The following SIN3A variants were observed in gnomAD, a reference collection of about 807,000 sequenced individuals.
SIN3A encodes SIN3 transcription regulator family member A, also known as paired amphipathic helix protein Sin3a.
A neutral mutation model predicts 146.1 loss-of-function variants in SIN3A; 14 were observed. That is an observed-to-expected ratio of 0.10 (90% CI 0.06 to 0.15). SIN3A has a LOEUF of 0.15. Ranked by LOEUF, SIN3A falls within the 10% of genes least tolerant of loss-of-function variation. SIN3A has a pLI of 1.00. For synonymous variants in SIN3A, 572 were observed against 572.0 expected (o/e 1.00, Z 0.00); for missense variants, 1,028 against 1,576.0 (o/e 0.65, Z 5.89).
intron 18 of SIN3A, 30 bp downstream of exon 18, chr15:75,381,583 A>T: frequency 6.4e-7 from 1 of 1,552,104 alleles, no homozygotes; most frequent in South Asian, 1.1e-5. Flanking sequence ...TCTGCTTGGC[A>T]CCTGGGGTCT....
chr15:75,377,593 C>A (rs1456574164), intron 19 of SIN3A, among the ~76,000 whole-genome samples: 1 of 151,332 alleles, frequency 6.6e-6, no homozygotes, highest in African/African-American at 2.4e-5. Context: ...CCACTGCACT[C>A]CAGCTTGGGC....
chr15:75,387,030 C>T (rs1382065820), intron 16 of SIN3A, among the ~76,000 whole-genome samples: 1 of 152,104 alleles, frequency 6.6e-6, no homozygotes, highest in Non-Finnish European at 1.5e-5. Flanking sequence ...TGGTCTCCAA[C>T]TCCTGGACTC....
At chr15:75,402,058 G>T in intron 9 of SIN3A, 88 bp from the exon 10 acceptor site, 2 of 803,760 alleles carry the variant, frequency 2.5e-6, no homozygotes, top group Non-Finnish European at 2.1e-6. Context: ...CCAGGAGGAG[G>T]CGCAGTTGTG....
intron 9 of SIN3A, among the ~76,000 whole-genome samples, chr15:75,402,263 G>A (rs558592817): frequency 1.7e-4 from 26 of 152,194 alleles, no homozygotes; most frequent in Non-Finnish European, 1.8e-4. Flanking sequence ...TATAATCCCA[G>A]CACTTTGGGA....
At chr15:75,453,279 C>T (rs1303149884), upstream of SIN3A, 6 of 152,350 alleles carry the variant, frequency 3.9e-5, no homozygotes, top group Non-Finnish European at 5.9e-5. Flanking sequence ...TTGTGAACTC[C>T]AAGGGTAGCC....
intron 12 of SIN3A, among the ~76,000 whole-genome samples, chr15:75,396,927 T>G (rs2073315919): frequency 6.6e-6 from 1 of 152,176 alleles, no homozygotes; most frequent in Non-Finnish European, 1.5e-5. Context: ...GAACAAACAA[T>G]AACAATCAAA....
chr15:75,439,843 A>T (rs1462045694), intron 1 of SIN3A, among the ~76,000 whole-genome samples: 3 of 151,994 alleles, frequency 2.0e-5, no homozygotes, highest in Non-Finnish European at 4.4e-5. Flanking sequence ...CATAATGCTC[A>T]TTAAATCTGT....
chr15:75,425,271 A>T (rs1374434928), intron 2 of SIN3A, among the ~76,000 whole-genome samples: 1 of 152,230 alleles, frequency 6.6e-6, no homozygotes, highest in Non-Finnish European at 1.5e-5. Context: ...CCCAGGTTCA[A>T]GCGATTCTCC....
intron 1 of SIN3A, among the ~76,000 whole-genome samples, chr15:75,448,423 G>A (rs2074346087): frequency 6.6e-6 from 1 of 151,792 alleles, no homozygotes; most frequent in African/African-American, 2.4e-5. Context: ...GAACCCGGGA[G>A]GCGGAAGTTG....
intron 1 of SIN3A, 106 bp from the exon 2 acceptor site, chr15:75,430,514 C>G: frequency 1.3e-6 from 1 of 769,418 alleles, no homozygotes; most frequent in East Asian, 3.0e-5. Flanking sequence ...ACTCCCAGAA[C>G]TGATCATCTA....
intron 1 of SIN3A, among the ~76,000 whole-genome samples, chr15:75,442,998 G>A (rs2141618329): frequency 6.6e-6 from 1 of 151,752 alleles, no homozygotes; most frequent in African/African-American, 2.4e-5. Flanking sequence ...TATGTATATG[G>A]GTGGAGACAG....
In SIN3A at chr15:75,394,784, A is replaced by G. The variant is rs2141433630; in HGVS notation, c.2173T>C (p.Tyr725His). The part of the protein sequence containing the change: ...KVWREQNEKY[Y>H]LKSLDHQGIN... ...CCCTGGTGGTCCAGAGACTTCAAGTAGTATTTCTCATTTTGTTCTCGCCAT... is the reference window on the plus strand; with the variant it reads ...CCCTGGTGGTCCAGAGACTTCAAGTGGTATTTCTCATTTTGTTCTCGCCAT... The change falls in exon 14 of 21, where the codon TAC becomes CAC. Residue 725 changes from tyrosine (Y) to histidine (H), a missense_variant. Tyr to His is a moderately conservative substitution (Grantham distance 83). Transcript: ENST00000394947. 3.7e-6 allele frequency: 6 copies of G among 1,614,092 alleles called. No homozygotes were observed. Among genetic ancestry groups the G allele is most frequent in the Non-Finnish European group, 5.1e-6 (6 of 1,179,962 alleles).
chr15:75,428,395 C>T (rs1164785534), intron 2 of SIN3A, among the ~76,000 whole-genome samples: 1 of 152,174 alleles, frequency 6.6e-6, no homozygotes. Context: ...CTCACTGCAG[C>T]CTTGACTTCC....
chr15:75,445,750 CAAAAAAAAGAAAAAAAAAA>C (rs2074296130), intron 1 of SIN3A, among the ~76,000 whole-genome samples: 3 of 39,972 alleles, frequency 7.5e-5, no homozygotes, highest in Non-Finnish European at 1.5e-4. Context: ...GACCTTGTCT[CAAAAAAAAGAAAAAAAAAA>C]AAAAAAAAGA....
chr15:75,426,768 G>GA (rs899685157), intron 2 of SIN3A, among the ~76,000 whole-genome samples: 6 of 151,782 alleles, frequency 4.0e-5, no homozygotes, highest in Non-Finnish European at 7.4e-5. Flanking sequence ...TGTCTCTATA[G>GA]AAAAAATACA....
At chr15:75,395,189 CT>C (rs1488546084) in intron 13 of SIN3A, among the ~76,000 whole-genome samples, 2 of 152,158 alleles carry the variant, frequency 1.3e-5, no homozygotes, top group African/African-American at 4.8e-5. Flanking sequence ...TGCTATAGGA[CT>C]TTGCAAAACG....
At chr15:75,443,163 C>G (rs908219042) in intron 1 of SIN3A, among the ~76,000 whole-genome samples, 1 of 152,052 alleles carries the variant, frequency 6.6e-6, no homozygotes, top group Admixed American at 6.6e-5. Flanking sequence ...TTACCGTCAT[C>G]CTAACAGTCT....
chr15:75,429,272 T>G (rs988311748), intron 2 of SIN3A, among the ~76,000 whole-genome samples: 2 of 151,982 alleles, frequency 1.3e-5, no homozygotes, highest in African/African-American at 4.8e-5. Flanking sequence ...ATCATAAAAA[T>G]TAGCCAGGCA....
chr15:75,409,723 T>A, intron 8 of SIN3A, 113 bp downstream of exon 8: 1 of 1,192,992 alleles, frequency 8.4e-7, no homozygotes, highest in South Asian at 1.5e-5. Context: ...CGAGACTCGG[T>A]CTCAAAAAAA....
Sources: allele counts gnomAD v4.1 joint callset (sites outside exome capture counted in the v4.1 genomes callset), GRCh38; gene constraint gnomAD v4.1.1; transcripts MANE v1.5; gene names NCBI Gene and HGNC (gene_info 2026-07-23, HGNC 2026-07-21).